PRKN: variants seen among roughly 807,000 people sequenced by gnomAD.
PRKN encodes E3 ubiquitin-protein ligase parkin.
In PRKN, 56 loss-of-function variants were observed where a neutral mutation model predicts 59.5. That is an observed-to-expected ratio of 0.94 (90% CI 0.76 to 1.18). PRKN has a LOEUF of 1.18. PRKN is among the 50% of genes most tolerant of loss of function. The pLI, the probability that PRKN is intolerant of heterozygous loss-of-function variation, is 0.00. For missense variants in PRKN, 657 were observed against 596.4 expected (o/e 1.10, Z -1.06); for synonymous variants, 250 against 222.1 (o/e 1.13, Z -1.12).
At chr6:161,904,695 G>T (rs543125080) in intron 6 of PRKN, among the ~76,000 whole-genome samples, 1 of 152,174 alleles carries the variant, frequency 6.6e-6, no homozygotes, top group African/African-American at 2.4e-5. Context: ...AACTTGGGAT[G>T]TGCCAAGTCG....
chr6:161,495,459 C>T (rs192177217), intron 9 of PRKN, among the ~76,000 whole-genome samples: 5 of 152,346 alleles, frequency 3.3e-5, no homozygotes, highest in Admixed American at 6.5e-5. Flanking sequence ...CCTGGCCTCT[C>T]CTGCACTCAG....
rs183854539 is a variant in PRKN at position 161,720,554 on chromosome 6, C to T, written c.871+65218G>A. Among the ~76,000 whole-genome samples, 216 of 152,260 alleles carry T rather than the reference C, an allele frequency of 1.4e-3. 1 individual carries two copies. Among genetic ancestry groups the T allele is most frequent in the Non-Finnish European group, 2.8e-3 (188 of 68,024 alleles). ...GTGGGCAGAAGAAAGTCACCCCCTG[C>T]AGAGAGGAGGCCTGGCATTCATCTG... is the stretch of plus-strand genomic sequence containing the variant. On this transcript the variant is annotated intron_variant, in intron 7 of 11. Transcript: ENST00000366898.
intron 7 of PRKN, among the ~76,000 whole-genome samples, chr6:161,749,359 A>G (rs546571899): frequency 1.1e-4 from 16 of 152,336 alleles, no homozygotes; most frequent in African/African-American, 3.8e-4. Context: ...ATGTATGTGT[A>G]TAATCGTATA....
chr6:162,111,072 C>G (rs780761569), intron 4 of PRKN, among the ~76,000 whole-genome samples: 1 of 152,046 alleles, frequency 6.6e-6, no homozygotes, highest in South Asian at 2.1e-4. Flanking sequence ...AGAAGACGTT[C>G]GGAGATGGAT....
intron 9 of PRKN, among the ~76,000 whole-genome samples, chr6:161,506,740 A>G (rs1778187334): frequency 6.6e-6 from 1 of 152,210 alleles, no homozygotes. Context: ...GCTAACGGTA[A>G]AAGAGTAATA....
At chr6:161,559,765 C>T (rs999081538) in intron 8 of PRKN, among the ~76,000 whole-genome samples, 1 of 152,122 alleles carries the variant, frequency 6.6e-6, no homozygotes, top group East Asian at 1.9e-4. Flanking sequence ...ACGGGTGGGG[C>T]AGTGAAATGG....
chr6:161,376,062 C>A lies in PRKN; in HGVS notation c.1167+10732G>T, dbSNP rs1785687011. 6.6e-6 allele frequency among the ~76,000 whole-genome samples: 1 copy of A among 152,184 alleles called. No individual in the cohort carries two copies. The highest frequency in any genetic ancestry group is 2.4e-5 in the African/African-American group (1 of 41,452). Reference sequence around the variant, plus strand: ...ATTTGTGTGTGAAGGCAGTCAATGGCTGAGAGACGGCTCTGCGGTGAGATG... The same window carrying A: ...ATTTGTGTGTGAAGGCAGTCAATGGATGAGAGACGGCTCTGCGGTGAGATG... On this transcript the variant is annotated intron_variant, in intron 10 of 11. Transcript: ENST00000366898. This position sits in a 1 kb window ranked among gnomAD's most constrained non-coding sequence, Gnocchi z 7.3.
At chr6:161,847,176 C>T (rs1046247246) in intron 6 of PRKN, among the ~76,000 whole-genome samples, 14 of 152,012 alleles carry the variant, frequency 9.2e-5, no homozygotes, top group African/African-American at 2.2e-4. Flanking sequence ...GGTGTGGTGG[C>T]GGGTGCCTGT....
intron 1 of PRKN, among the ~76,000 whole-genome samples, chr6:162,710,411 ACAC>A: frequency 6.6e-6 from 1 of 150,792 alleles, no homozygotes; most frequent in Non-Finnish European, 1.5e-5. Context: ...ACACACACAC[ACAC>A]AACTGTTTGG....
At chr6:162,643,660 G>A (rs1056489654) in intron 1 of PRKN, among the ~76,000 whole-genome samples, 1 of 152,026 alleles carries the variant, frequency 6.6e-6, no homozygotes, top group Non-Finnish European at 1.5e-5. Flanking sequence ...CAATCACTAT[G>A]TGAATTTATA....
At position 162,718,932 on chromosome 6, in the gene PRKN, G is replaced by A. The variant is rs540538968; in HGVS notation, c.7+8730C>T. Among the ~76,000 whole-genome samples, 31 of 152,024 alleles carry A rather than the reference G, an allele frequency of 2.0e-4. No individual in the cohort carries two copies. The South Asian group carries it at 4.2e-3, about 20-fold the overall frequency. On this transcript the variant is annotated intron_variant, in intron 1 of 11. Transcript: ENST00000366898. ...AGAAGCTCTGCATGTAGTGAGACAC[G>A]GCAGATGCCACACACACATACACAC...
chr6:162,257,364 A>C (rs1196325995), intron 3 of PRKN, among the ~76,000 whole-genome samples: 1 of 152,184 alleles, frequency 6.6e-6, no homozygotes, highest in Non-Finnish European at 1.5e-5. Context: ...TATAGTTTTA[A>C]AATCTGACTA....
chr6:162,552,647 T>C (rs1779377210), intron 1 of PRKN, among the ~76,000 whole-genome samples: 1 of 151,436 alleles, frequency 6.6e-6, no homozygotes, highest in African/African-American at 2.4e-5. Flanking sequence ...CCGCGTGGAG[T>C]TGTCAGGTAA....
intron 5 of PRKN, among the ~76,000 whole-genome samples, chr6:161,976,809 G>A (rs1781050432): frequency 6.6e-6 from 1 of 152,176 alleles, no homozygotes; most frequent in African/African-American, 2.4e-5. Flanking sequence ...TTCATATACA[G>A]ATAAATAGAT....
At chr6:162,664,603 G>A (rs1478693217) in intron 1 of PRKN, among the ~76,000 whole-genome samples, 1 of 152,062 alleles carries the variant, frequency 6.6e-6, no homozygotes, top group East Asian at 1.9e-4. Flanking sequence ...GCGTGGCATG[G>A]TATCTCATTG....
At position 161,486,827 on chromosome 6, in the gene PRKN, T is replaced by A. The variant is rs114240077; in HGVS notation, c.1083+62027A>T. On this transcript the variant is annotated intron_variant, in intron 9 of 11. Transcript: ENST00000366898. ...ATTAATTTAAAGCACCAGAGCAGAA[T>A]GAATTGTGCATTCCAATTTTTTAGC... Among the ~76,000 whole-genome samples, 488 of 152,340 alleles carry A rather than the reference T, an allele frequency of 3.2e-3. 4 individuals are homozygous for A. The highest frequency in any genetic ancestry group is 0.011 in the African/African-American group (472 of 41,576).
intron 9 of PRKN, among the ~76,000 whole-genome samples, chr6:161,532,291 G>A (rs772463648): frequency 5.3e-5 from 8 of 151,786 alleles, no homozygotes; most frequent in African/African-American, 9.7e-5. Flanking sequence ...ATTAAAATTC[G>A]CAAGTTTTAG....
intron 1 of PRKN, among the ~76,000 whole-genome samples, chr6:162,669,538 T>G (rs187162503): frequency 4.0e-4 from 61 of 152,304 alleles, no homozygotes; most frequent in African/African-American, 1.3e-3. Context: ...TTGCAATCTC[T>G]TTGCCAGTCT....
intron 1 of PRKN, among the ~76,000 whole-genome samples, chr6:162,614,065 A>T (rs1388848747): frequency 6.6e-6 from 1 of 152,200 alleles, no homozygotes; most frequent in Admixed American, 6.5e-5. Context: ...GTATTCTGTA[A>T]ATTATTTCTT....
Sources: allele counts gnomAD v4.1 joint callset (sites outside exome capture counted in the v4.1 genomes callset), GRCh38; gene constraint gnomAD v4.1.1; non-coding constraint Gnocchi (gnomAD v3.1); transcripts MANE v1.5; gene names NCBI Gene and HGNC (gene_info 2026-07-23, HGNC 2026-07-21).